XPOT: variants seen among roughly 807,000 people sequenced by gnomAD.
XPOT encodes exportin for tRNA, also known as exportin-T.
A neutral mutation model predicts 128.2 loss-of-function variants in XPOT; 34 were observed. The observed-to-expected ratio is 0.27, with a 90% CI of 0.20 to 0.35. The LOEUF (loss-of-function observed/expected upper bound fraction) is 0.35, where lower values mean the gene tolerates loss of function less well. XPOT is among the 10% of genes least tolerant of loss of function. The pLI, the probability that XPOT is intolerant of heterozygous loss-of-function variation, is 1.00. For missense variants in XPOT, 838 were observed against 1,125.3 expected, an observed-to-expected ratio of 0.74 and a Z score of 3.65; for synonymous variants, 348 against 394.3, an observed-to-expected ratio of 0.88 and a Z score of 1.39.
At chr12:64,417,001 T>C (rs1278074456) in intron 4 of XPOT, among the ~76,000 whole-genome samples, 1 of 151,992 alleles carries the variant, frequency 6.6e-6, no homozygotes, top group East Asian at 1.9e-4. Context: ...TCACTTGAAG[T>C]CAGGAGTTTG....
intron 14 of XPOT, 93 bp from the exon 15 acceptor site, chr12:64,425,722 A>T: frequency 1.6e-6 from 2 of 1,244,504 alleles, no homozygotes; most frequent in Non-Finnish European, 2.3e-6. Context: ...AGGAGCTAAG[A>T]AGTAAAATTT....
intron 11 of XPOT, 65 bp downstream of exon 11, chr12:64,423,309 T>G: frequency 8.9e-7 from 1 of 1,119,670 alleles, no homozygotes; most frequent in South Asian, 1.6e-5. Flanking sequence ...AATTAATATT[T>G]CAAGTTCTTA....
chr12:64,423,460 T>A (rs951433118), intron 11 of XPOT, among the ~76,000 whole-genome samples: 3 of 152,056 alleles, frequency 2.0e-5, no homozygotes, highest in Non-Finnish European at 4.4e-5. Context: ...CCCCCTCCTT[T>A]TTTTTTGCTT....
rs969754570 is a variant in XPOT at position 64,428,101 on chromosome 12, T to C, written c.1718T>C (p.Leu573Ser). The stretch of plus-strand genomic sequence containing the variant: ...GATATTTTGAATAGAATACAAGATT[T>C]ATTAGAGCTTTCTCCACCTGTAAGT... ...IEDILNRIQD[L>S]LELSPPENGH... The change falls in exon 16 of 25, where the codon TTA (leucine) becomes TCA (serine). Residue 573 changes from leucine to serine, a missense_variant. Around this residue, in one of 3 missense-constraint regions of XPOT, gnomAD observed 761 missense variants for 988.3 expected, o/e 0.77. Coordinates refer to ENST00000332707, the MANE Select transcript of XPOT (RefSeq NM_007235.6). 6.4e-7 allele frequency: 1 copy of C among 1,572,896 alleles called. No individual in the cohort carries two copies.
At chr12:64,447,482 AT>A (rs572182961) in intron 24 of XPOT, among the ~76,000 whole-genome samples, 76 of 147,286 alleles carry the variant, frequency 5.2e-4, no homozygotes, top group East Asian at 7.9e-4. Flanking sequence ...TCAATATTTA[AT>A]TTTTTTTTTT....
Position 64,425,856 on chromosome 12 carries a change from A to C in XPOT, c.1614A>C (p.Ala538=). 13 of 1,614,212 alleles carry C rather than the reference A, an allele frequency of 8.1e-6. No homozygotes were observed. Among genetic ancestry groups the C allele is most frequent in the Non-Finnish European group, 1.1e-5 (13 of 1,180,034 alleles). The part of the protein sequence containing the change: ...LDHRGLRHSS[A]KVRSRTAYLF... ...ACAGAGGTCTGCGGCATTCCAGTGC[A>C]AAAGTTCGGAGCAGGACGGCTTACC... The change falls in exon 15 of 25, where the codon GCA becomes GCC. Residue 538 remains alanine (A), a synonymous_variant. Transcript: ENST00000332707.
intron 22 of XPOT, among the ~76,000 whole-genome samples, chr12:64,435,938 A>G (rs937064664): frequency 6.6e-6 from 1 of 151,886 alleles, no homozygotes; most frequent in East Asian, 1.9e-4. Flanking sequence ...TCACTACCAG[A>G]TTTTTTATTT....
At chr12:64,442,587 C>G (rs2040334664) in intron 23 of XPOT, 1 of 152,348 alleles carries the variant, frequency 6.6e-6, no homozygotes, top group Non-Finnish European at 1.5e-5. Flanking sequence ...GGCACCTGCC[C>G]TTTAACTTCA....
rs998218041 is a variant in XPOT at position 64,449,748 on chromosome 12, A to G, written c.*1617A>G. The G allele has an allele frequency of 8.5e-5, 13 of 152,394 alleles. No individual in the cohort carries two copies. Among genetic ancestry groups the G allele is most frequent in the African/African-American group, 2.6e-4 (11 of 41,596 alleles). 9.4% of individuals were successfully genotyped at this position (152,394 alleles called of 1,614,324 possible). On this transcript the variant is annotated 3_prime_UTR_variant, in exon 25 of 25. Coordinates refer to ENST00000332707, the MANE Select transcript of XPOT (RefSeq NM_007235.6). ...TAATAAAAAATGTTTTCAGAAATAG[A>G]TAAGTGAAAGCTGAGTGTTTCTTTG...
chr12:64,430,130 G>A lies in XPOT; in HGVS notation c.1819G>A (p.Glu607Lys). 6.2e-7 allele frequency: 1 copy of A among 1,613,862 alleles called. No individual in the cohort carries two copies. The highest frequency in any genetic ancestry group is 8.5e-7 in the Non-Finnish European group (1 of 1,179,832). The change falls in exon 17 of 25, where the codon GAA (glutamate) becomes AAA (lysine). Residue 607 changes from glutamate to lysine, a missense_variant. Glu to Lys is a moderately conservative substitution (Grantham distance 56, BLOSUM62 1). Transcript: ENST00000332707. ...ETAGVLIVNS[E>K]YPAERKQALM... ...AGCTGGAGTGCTGATTGTTAATAGT[G>A]AATATCCGGCAGAAAGGAAACAAGC... is the stretch of plus-strand genomic sequence containing the variant.
chr12:64,425,952 G>T, intron 15 of XPOT, 43 bp downstream of exon 15: 2 of 1,537,820 alleles, frequency 1.3e-6, no homozygotes, highest in Non-Finnish European at 1.8e-6. Context: ...TATTTTTTAA[G>T]TTACTGGATA....
In XPOT at chr12:64,448,128, C is replaced by T; in HGVS notation, c.2886C>T (p.Pro962=). Residue 962 remains proline, a synonymous_variant, in exon 25 of 25, where the codon CCC becomes CCT. Coordinates refer to ENST00000332707, the MANE Select transcript of XPOT (RefSeq NM_007235.6). ...YLKVFFQRAK[P] Reference sequence around the variant, plus strand: ...AGGTGTTCTTCCAGAGAGCAAAGCCCTGAGGACTGGATTTCCCTGTGCCTA... The same window carrying T: ...AGGTGTTCTTCCAGAGAGCAAAGCCTTGAGGACTGGATTTCCCTGTGCCTA... The T allele has an allele frequency of 1.2e-6, 2 of 1,613,952 alleles. No homozygotes were observed. The highest frequency in any genetic ancestry group is 1.7e-6 in the Non-Finnish European group (2 of 1,179,892).
Position 64,416,731 on chromosome 12 carries a change from A to C in XPOT, c.177A>C (p.Val59=), listed in dbSNP as rs1466862689. Residue 59 remains valine (V), a synonymous_variant, in exon 4 of 25, where the codon GTA becomes GTC. Transcript: ENST00000332707. The part of the protein sequence containing the change: ...DDHVKFFCFQ[V]LEHQVKYKYS... The stretch of plus-strand genomic sequence containing the variant: ...ATGTGAAGTTTTTCTGCTTTCAAGT[A>C]CTGGAACATCAAGTTAAATACAAGT... 1 of 1,613,302 alleles carries C rather than the reference A, an allele frequency of 6.2e-7. No individual in the cohort carries two copies. The highest frequency in any genetic ancestry group is 8.5e-7 in the Non-Finnish European group (1 of 1,179,784).
intron 11 of XPOT, among the ~76,000 whole-genome samples, chr12:64,423,963 A>G (rs2040167288): frequency 6.6e-6 from 1 of 152,160 alleles, no homozygotes; most frequent in Admixed American, 6.6e-5. Context: ...CCCATCAAAC[A>G]AGGGCCATTG....
At chr12:64,425,007 T>C (rs765081909) in intron 12 of XPOT, 31 bp from the exon 13 acceptor site, 71 of 1,610,544 alleles carry the variant, frequency 4.4e-5, no homozygotes, top group Non-Finnish European at 5.7e-5. Flanking sequence ...AATTTATCTT[T>C]AAATCTCACT....
intron 1 of XPOT, among the ~76,000 whole-genome samples, chr12:64,407,298 A>C (rs1287524620): frequency 1.3e-5 from 2 of 152,100 alleles, no homozygotes; most frequent in African/African-American, 2.4e-5. Flanking sequence ...CAGCCTGGGC[A>C]ACATGGTGAA....
intron 24 of XPOT, among the ~76,000 whole-genome samples, chr12:64,447,143 T>C (rs2040372591): frequency 1.3e-5 from 2 of 152,126 alleles, no homozygotes; most frequent in African/African-American, 2.4e-5. Flanking sequence ...GAAAACAACA[T>C]GGGAAAGACC....
At chr12:64,432,684 A>G (rs1466413625) in intron 18 of XPOT, among the ~76,000 whole-genome samples, 2 of 152,238 alleles carry the variant, frequency 1.3e-5, no homozygotes, top group Admixed American at 1.3e-4. Context: ...GGATTTGCCC[A>G]AGAGTTCATA....
intron 9 of XPOT, 77 bp downstream of exon 9, chr12:64,421,548 T>A: frequency 1.0e-6 from 1 of 996,578 alleles, no homozygotes; most frequent in Non-Finnish European, 1.5e-6. Flanking sequence ...ATGGAAAAAT[T>A]AAAAATGAGA....
Sources: allele counts gnomAD v4.1 joint callset (sites outside exome capture counted in the v4.1 genomes callset), GRCh38; gene constraint gnomAD v4.1.1; regional missense constraint gnomAD v4.1.1; transcripts MANE v1.5; gene names NCBI Gene and HGNC (gene_info 2026-07-23, HGNC 2026-07-21).